Variants in EVI5 observed in about 807,000 individuals in gnomAD.
The protein encoded by EVI5 is ecotropic viral integration site 5, also known as ecotropic viral integration site 5 protein homolog.
Under a neutral mutation model 112.0 loss-of-function variants are expected in EVI5, and 73 were observed. The observed-to-expected ratio is 0.65, with a 90% CI of 0.54 to 0.79. EVI5 has a LOEUF of 0.79. Among genes scored for constraint, EVI5 ranks in the 30% least tolerant of loss-of-function variants. EVI5 has a pLI of 0.00. For missense variants in EVI5, 900 were observed against 968.8 expected, an observed-to-expected ratio of 0.93 and a Z score of 0.94; for synonymous variants, 305 against 319.9, an observed-to-expected ratio of 0.95 and a Z score of 0.50.
chr1:92,537,536 A>G (rs998223435), intron 19 of EVI5, among the ~76,000 whole-genome samples: 1 of 152,086 alleles, frequency 6.6e-6, no homozygotes, highest in Non-Finnish European at 1.5e-5. Flanking sequence ...AATACCTTTA[A>G]TAGTTTTCTG....
intron 14 of EVI5, among the ~76,000 whole-genome samples, chr1:92,628,926 G>A (rs1255273846): frequency 1.3e-5 from 2 of 152,196 alleles, no homozygotes; most frequent in East Asian, 1.9e-4. Flanking sequence ...CAGAAAAAAA[G>A]AGGATGCTGC....
At chr1:92,575,796 T>C (rs2101034218) in intron 18 of EVI5, among the ~76,000 whole-genome samples, 1 of 152,142 alleles carries the variant, frequency 6.6e-6, no homozygotes, top group East Asian at 1.9e-4. Flanking sequence ...ATTCCTGACC[T>C]CAAGTGATCC....
At chr1:92,744,826 C>T (rs1386204184) in intron 1 of EVI5, among the ~76,000 whole-genome samples, 1 of 152,142 alleles carries the variant, frequency 6.6e-6, no homozygotes, top group African/African-American at 2.4e-5. Flanking sequence ...TCATTAAAAG[C>T]TGAAGTCCGT....
chr1:92,548,374 A>G (rs1666158899), intron 19 of EVI5, among the ~76,000 whole-genome samples: 1 of 152,188 alleles, frequency 6.6e-6, no homozygotes, highest in South Asian at 2.1e-4. Context: ...ATTTATGACA[A>G]ACCCACAGCC....
intron 1 of EVI5, among the ~76,000 whole-genome samples, chr1:92,764,503 G>C (rs1192544085): frequency 6.6e-6 from 1 of 152,112 alleles, no homozygotes; most frequent in African/African-American, 2.4e-5. Flanking sequence ...AAAAATACCA[G>C]CCATATCCTT....
At chr1:92,567,008 C>T (rs1446678690) in intron 18 of EVI5, among the ~76,000 whole-genome samples, 4 of 151,924 alleles carry the variant, frequency 2.6e-5, no homozygotes, top group African/African-American at 9.7e-5. Flanking sequence ...GGTTTCACCA[C>T]ATTGGCCAGT....
intron 19 of EVI5, among the ~76,000 whole-genome samples, chr1:92,519,091 C>T (rs894867105): frequency 1.3e-5 from 2 of 152,034 alleles, no homozygotes; most frequent in Non-Finnish European, 2.9e-5. Context: ...GATGTAGAAT[C>T]TAATAAAACC....
At chr1:92,536,685 A>ATC (rs1246774993) in intron 19 of EVI5, among the ~76,000 whole-genome samples, 1 of 152,178 alleles carries the variant, frequency 6.6e-6, no homozygotes, top group East Asian at 1.9e-4. Flanking sequence ...TCATGGTTTT[A>ATC]GAGTTTTGTA....
At chr1:92,745,098 AT>A (rs750800778) in intron 1 of EVI5, among the ~76,000 whole-genome samples, 1,318 of 129,794 alleles carry the variant, frequency 0.01, 6 homozygotes, top group Middle Eastern at 0.024. Context: ...TGCCAGGCTA[AT>A]TTTTTTTTTT....
At chr1:92,582,517 G>C (rs189019942) in intron 18 of EVI5, among the ~76,000 whole-genome samples, 1 of 151,976 alleles carries the variant, frequency 6.6e-6, no homozygotes, top group African/African-American at 2.4e-5. Context: ...TCATAAAAAA[G>C]AGCACAAGCA....
chr1:92,755,556 C>T (rs74101356), intron 1 of EVI5, among the ~76,000 whole-genome samples: 6,588 of 152,268 alleles, frequency 0.043, 409 homozygotes, highest in African/African-American at 0.13. Context: ...ATCCATGATA[C>T]ATGTCGATGG....
intron 18 of EVI5, among the ~76,000 whole-genome samples, chr1:92,595,243 G>T (rs1308899291): frequency 1.3e-5 from 2 of 151,828 alleles, no homozygotes; most frequent in South Asian, 2.1e-4. Context: ...CCATAAAAAA[G>T]GATGAGTTCA....
chr1:92,710,761 G>T (rs779519425), intron 2 of EVI5, among the ~76,000 whole-genome samples: 1 of 150,816 alleles, frequency 6.6e-6, no homozygotes, highest in Admixed American at 6.6e-5. Flanking sequence ...GTTGGGGGGG[G>T]GGTGCCAATA....
At chr1:92,725,457 A>G (rs6689700) in intron 2 of EVI5, among the ~76,000 whole-genome samples, 2,880 of 152,318 alleles carry the variant, frequency 0.019, 104 homozygotes, top group African/African-American at 0.065. Flanking sequence ...AAAATAGAAA[A>G]TAGTCAAACA....
intron 19 of EVI5, among the ~76,000 whole-genome samples, chr1:92,561,043 A>C (rs538980067): frequency 1.3e-5 from 2 of 152,282 alleles, no homozygotes; most frequent in Admixed American, 1.3e-4. Flanking sequence ...CTTCTAGCTA[A>C]TTGGTCTGTT....
intron 1 of EVI5, among the ~76,000 whole-genome samples, chr1:92,778,066 G>A (rs575246727): frequency 3.9e-5 from 6 of 152,058 alleles, no homozygotes; most frequent in East Asian, 1.9e-4. Context: ...ACGCCACCAC[G>A]CACAGCTAAT....
At chr1:92,771,335 A>G (rs558152575) in intron 1 of EVI5, among the ~76,000 whole-genome samples, 1 of 152,122 alleles carries the variant, frequency 6.6e-6, no homozygotes. Context: ...ACTCCCAGAG[A>G]TATCTCATAC....
chr1:92,620,612 A>T (rs867146326), intron 16 of EVI5, among the ~76,000 whole-genome samples: 1 of 152,196 alleles, frequency 6.6e-6, no homozygotes, highest in African/African-American at 2.4e-5. Context: ...AAGATAGCAG[A>T]GTGATTTAAA....
intron 9 of EVI5, among the ~76,000 whole-genome samples, chr1:92,692,181 G>A (rs1669596245): frequency 6.6e-6 from 1 of 152,114 alleles, no homozygotes; most frequent in Non-Finnish European, 1.5e-5. Context: ...AAGAAATAGA[G>A]GGCCAGAAAT....
Sources: gnomAD v4.1 joint callset for allele counts (sites outside exome capture counted in the v4.1 genomes callset) on GRCh38, gnomAD v4.1.1 for gene constraint, MANE v1.5 for transcripts, NCBI Gene and HGNC (gene_info 2026-07-23, HGNC 2026-07-21) for gene names.